GLI3: variants seen among roughly 807,000 people sequenced by gnomAD.
GLI3 encodes the protein GLI family zinc finger 3.
In GLI3, 20 loss-of-function variants were observed where a neutral mutation model predicts 100.8. The ratio of observed to expected loss-of-function variants is 0.20; its 90% CI spans 0.14 to 0.29. GLI3 has a LOEUF of 0.29. Among genes scored for constraint, GLI3 ranks in the 10% least tolerant of loss-of-function variants. GLI3 has a pLI of 1.00. For missense variants in GLI3, 2,040 were observed against 2,128.5 expected (o/e 0.96, Z 0.82); for synonymous variants, 938 against 860.5 (o/e 1.09, Z -1.58).
upstream of GLI3, among the ~76,000 whole-genome samples, chr7:42,238,108 A>C: frequency 7.3e-6 from 1 of 136,740 alleles, no homozygotes; most frequent in Non-Finnish European, 1.6e-5. Flanking sequence ...CCCCTACTTG[A>C]CCCCGCGCCC....
chr7:42,055,499 G>C (rs925335326), intron 4 of GLI3, among the ~76,000 whole-genome samples: 1 of 152,034 alleles, frequency 6.6e-6, no homozygotes, highest in African/African-American at 2.4e-5. Context: ...GTGGCTCTGT[G>C]GTATGGCATT....
chr7:42,061,749 ATATGTAGTGTACTGTAGAGTG>A (rs1784573100), intron 4 of GLI3, among the ~76,000 whole-genome samples: 1 of 152,214 alleles, frequency 6.6e-6, no homozygotes, highest in South Asian at 2.1e-4. Context: ...GAAAAGGAGT[ATATGTAGTGTACTGTAGAGTG>A]TATGTAGTGA....
intron 3 of GLI3, among the ~76,000 whole-genome samples, chr7:42,138,672 C>A (rs910570888): frequency 1.3e-5 from 2 of 152,174 alleles, no homozygotes; most frequent in Non-Finnish European, 2.9e-5. Flanking sequence ...GCTTATTCCA[C>A]GAAAGCAAAC....
chr7:42,201,258 C>T (rs1045152917), intron 2 of GLI3, among the ~76,000 whole-genome samples: 8 of 152,118 alleles, frequency 5.3e-5, no homozygotes, highest in African/African-American at 1.9e-4. Context: ...ACTGCACTTA[C>T]TTATTTTTGG....
chr7:42,127,260 T>C (rs1244016474), intron 3 of GLI3, among the ~76,000 whole-genome samples: 1 of 152,244 alleles, frequency 6.6e-6, no homozygotes. Context: ...AACTGCCTCA[T>C]GCTCTTCTAT....
At chr7:42,158,101 G>A (rs2128792000) in intron 2 of GLI3, among the ~76,000 whole-genome samples, 1 of 152,150 alleles carries the variant, frequency 6.6e-6, no homozygotes, top group East Asian at 1.9e-4. Flanking sequence ...GTCCCTCCCT[G>A]AAAACTTGTT....
intron 1 of GLI3, among the ~76,000 whole-genome samples, chr7:42,249,509 G>T (rs957826908): frequency 2.6e-5 from 4 of 152,078 alleles, no homozygotes; most frequent in Admixed American, 6.5e-5. Context: ...AGGGGTGAGA[G>T]GTTCAACCCA....
intron 2 of GLI3, among the ~76,000 whole-genome samples, chr7:42,183,233 A>G (rs912919873): frequency 2.0e-5 from 3 of 151,874 alleles, no homozygotes; most frequent in Admixed American, 2.0e-4. Context: ...CAAAAAATTA[A>G]AAAAAAATCA....
At chr7:42,128,774 G>C (rs550200855) in intron 3 of GLI3, among the ~76,000 whole-genome samples, 1 of 152,032 alleles carries the variant, frequency 6.6e-6, no homozygotes, top group African/African-American at 2.4e-5. Flanking sequence ...GTGATGGTAG[G>C]AATGGAAGTC....
chr7:41,996,907 G>A (rs1490051963), intron 10 of GLI3, among the ~76,000 whole-genome samples: 1 of 152,134 alleles, frequency 6.6e-6, no homozygotes, highest in Non-Finnish European at 1.5e-5. Flanking sequence ...TCTGTATGTG[G>A]CAAGTGTGGT....
chr7:42,034,817 T>G (rs1176069565), intron 7 of GLI3, among the ~76,000 whole-genome samples: 1 of 152,124 alleles, frequency 6.6e-6, no homozygotes, highest in Non-Finnish European at 1.5e-5. Flanking sequence ...CATTCATTTG[T>G]TCCCTCACTA....
chr7:42,082,342 G>A (rs1268692386), intron 3 of GLI3, among the ~76,000 whole-genome samples: 2 of 152,124 alleles, frequency 1.3e-5, no homozygotes, highest in African/African-American at 4.8e-5. Flanking sequence ...CTGACTCCAA[G>A]ATGCAGACTG....
At chr7:42,165,583 A>C (rs2128673382) in intron 2 of GLI3, among the ~76,000 whole-genome samples, 1 of 152,306 alleles carries the variant, frequency 6.6e-6, no homozygotes, top group South Asian at 2.1e-4. Flanking sequence ...TTATCATGCC[A>C]TTAAATCAAA....
chr7:42,235,020 T>C (rs1788762143), intron 1 of GLI3, among the ~76,000 whole-genome samples: 1 of 152,216 alleles, frequency 6.6e-6, no homozygotes, highest in South Asian at 2.1e-4. Context: ...TCACAGAGTT[T>C]ACATTGTTAA....
intron 1 of GLI3, among the ~76,000 whole-genome samples, chr7:42,256,980 A>G (rs1342268894): frequency 6.6e-6 from 1 of 151,574 alleles, no homozygotes; most frequent in Admixed American, 6.6e-5. Flanking sequence ...TTTATTTCAC[A>G]TGTCTTGCAT....
intron 1 of GLI3, among the ~76,000 whole-genome samples, chr7:42,254,935 T>C (rs1193991191): frequency 1.3e-5 from 2 of 151,806 alleles, no homozygotes; most frequent in South Asian, 4.2e-4. Context: ...AAATTCAAAA[T>C]TTTTCCTGTA....
In GLI3 at chr7:42,237,041, C is replaced by T. The variant is rs956532041; in HGVS notation, c.-113G>A. The T allele has an allele frequency of 1.3e-5, 2 of 149,436 alleles. No homozygotes were observed. Among genetic ancestry groups the T allele is most frequent in the African/African-American group, 2.4e-5 (1 of 41,148 alleles). 9.3% of individuals were successfully genotyped at this position (149,436 alleles called of 1,614,324 possible). On this transcript the variant is annotated 5_prime_UTR_variant, in exon 1 of 15. Coordinates refer to ENST00000395925, the MANE Select transcript of GLI3 (RefSeq NM_000168.6). The stretch of plus-strand genomic sequence containing the variant: ...GCGGACGGGGCGCAGGCTGGCGGCT[C>T]CCCGCTCCGCGCGGCCGCGGGCGGC...
chr7:42,033,644 T>C (rs575858757), intron 7 of GLI3, among the ~76,000 whole-genome samples: 2 of 152,316 alleles, frequency 1.3e-5, no homozygotes, highest in African/African-American at 4.8e-5. Context: ...TTTGTGACTG[T>C]TGCACTAAGA....
At position 42,187,198 on chromosome 7, in the gene GLI3, G is replaced by A. The variant is rs565516344; in HGVS notation, c.124+35932C>T. The stretch of plus-strand genomic sequence containing the variant: ...TACACTCAAGTCTGAGTGACAGAGT[G>A]AGACCCTGTCTCAAAAAAAAAAAAA... On this transcript the variant is annotated intron_variant, in intron 2 of 14. Transcript: ENST00000395925. 4.3e-5 allele frequency among the ~76,000 whole-genome samples: 6 copies of A among 140,096 alleles called. No individual in the cohort carries two copies. The South Asian group carries it at 9.7e-4, about 23-fold the overall frequency. 91.9% of individuals were successfully genotyped at this position (140,096 alleles called of 152,430 possible).
Sources: allele counts gnomAD v4.1 joint callset (sites outside exome capture counted in the v4.1 genomes callset), GRCh38; gene constraint gnomAD v4.1.1; transcripts MANE v1.5; gene names NCBI Gene and HGNC (gene_info 2026-07-23, HGNC 2026-07-21).